PARP8: variants seen among roughly 807,000 people sequenced by gnomAD.
PARP8 encodes protein mono-ADP-ribosyltransferase PARP8.
Under a neutral mutation model 124.1 loss-of-function variants are expected in PARP8, and 51 were observed. That is an observed-to-expected ratio of 0.41 (90% CI 0.33 to 0.52). PARP8 has a LOEUF of 0.52. Ranked by LOEUF, PARP8 falls within the 20% of genes least tolerant of loss-of-function variation. The pLI, the probability that PARP8 is intolerant of heterozygous loss-of-function variation, is 0.21. For missense variants in PARP8, 860 were observed against 1,018.9 expected, an observed-to-expected ratio of 0.84 and a Z score of 2.12; for synonymous variants, 391 against 361.5, an observed-to-expected ratio of 1.08 and a Z score of -0.93.
Position 50,709,240 on chromosome 5 carries a change from C to G in PARP8, c.147-40911C>G, listed in dbSNP as rs1196697209. On this transcript the variant is annotated intron_variant, in intron 2 of 25. Transcript: ENST00000281631. ...TCTTCATCTCTTTATTCTGCTTTTT[C>G]AAGATTTCTTCATTTTTATGTTCCA... 2.6e-5 allele frequency among the ~76,000 whole-genome samples: 4 copies of G among 152,018 alleles called. No individual in the cohort carries two copies. The East Asian group carries it at 7.7e-4, about 29-fold the overall frequency.
chr5:50,791,392 C>T (rs928267959), intron 10 of PARP8, among the ~76,000 whole-genome samples: 1 of 152,038 alleles, frequency 6.6e-6, no homozygotes, highest in Non-Finnish European at 1.5e-5. Flanking sequence ...AGTCACACAG[C>T]GAGAAAGTGA....
At chr5:50,829,291 C>A (rs2149713882) in intron 21 of PARP8, among the ~76,000 whole-genome samples, 1 of 152,230 alleles carries the variant, frequency 6.6e-6, no homozygotes, top group East Asian at 1.9e-4. Flanking sequence ...ATGCTTAACC[C>A]AGTCACTTGA....
At chr5:50,677,497 C>T (rs942710932) in intron 2 of PARP8, among the ~76,000 whole-genome samples, 9 of 151,968 alleles carry the variant, frequency 5.9e-5, no homozygotes, top group African/African-American at 1.9e-4. Flanking sequence ...TGGAGCAGTC[C>T]ATCGTTATGG....
chr5:50,736,644 T>A (rs1481117302), intron 2 of PARP8, among the ~76,000 whole-genome samples: 1 of 152,150 alleles, frequency 6.6e-6, no homozygotes, highest in Non-Finnish European at 1.5e-5. Flanking sequence ...GCAGACAAAA[T>A]TTATTTGTAA....
At chr5:50,794,727 G>C in intron 11 of PARP8, 126 bp from the exon 12 acceptor site, 1 of 846,354 alleles carries the variant, frequency 1.2e-6, no homozygotes, top group Non-Finnish European at 1.8e-6. Flanking sequence ...TTTTGACTGG[G>C]TAGGCTATAT....
chr5:50,802,413 T>C (rs1743331006), intron 14 of PARP8, among the ~76,000 whole-genome samples: 1 of 152,166 alleles, frequency 6.6e-6, no homozygotes, highest in Non-Finnish European at 1.5e-5. Flanking sequence ...CTTCTGGGCT[T>C]AAGTGATCTT....
intron 3 of PARP8, among the ~76,000 whole-genome samples, chr5:50,751,929 A>G (rs1166823106): frequency 6.6e-6 from 1 of 152,114 alleles, no homozygotes; most frequent in Non-Finnish European, 1.5e-5. Flanking sequence ...CTTTTTAGGT[A>G]GACATCTTGT....
At chr5:50,758,142 T>C (rs968578324) in intron 3 of PARP8, among the ~76,000 whole-genome samples, 2 of 152,176 alleles carry the variant, frequency 1.3e-5, no homozygotes, top group Non-Finnish European at 2.9e-5. Flanking sequence ...CAGAAGAGAC[T>C]CTAGATAAGT....
chr5:50,709,973 C>T lies in PARP8; in HGVS notation c.147-40178C>T, dbSNP rs533760685. 2.8e-4 allele frequency among the ~76,000 whole-genome samples: 39 copies of T among 139,724 alleles called. No individual in the cohort carries two copies. In the South Asian group the frequency reaches 3.9e-3, roughly 14 times the overall value. The allele number at this position is 139,724 out of a possible 152,430, so 91.7% of individuals were successfully genotyped here. A position where few individuals can be genotyped will look rare whatever the true frequency, so the allele number is the denominator to read the frequency against. ...ATATATATACACATACATATATACA[C>T]ACACACACATATATATACATATATA... is the stretch of plus-strand genomic sequence containing the variant. On this transcript the variant is annotated intron_variant, in intron 2 of 25. Coordinates refer to ENST00000281631, the MANE Select transcript of PARP8 (RefSeq NM_024615.4).
intron 9 of PARP8, among the ~76,000 whole-genome samples, chr5:50,784,860 C>T (rs1243695125): frequency 2.0e-5 from 3 of 151,504 alleles, no homozygotes; most frequent in Admixed American, 6.6e-5. Context: ...TTTTGTAGTT[C>T]ATTTTATTTT....
chr5:50,762,052 T>G, intron 6 of PARP8, 154 bp downstream of exon 6: 1 of 430,202 alleles, frequency 2.3e-6, no homozygotes, highest in South Asian at 5.9e-5. Context: ...TTGCACATTT[T>G]CTACCTATTT....
chr5:50,759,638 T>TTTTTTA lies in PARP8; in HGVS notation c.185-5_185-4insTTTTTA. ...TTTCATTATCTTTTTTTTTTTTTTT[T>TTTTTTA]GCAGATAATACATATGTGTCAAGTT... On this transcript the variant is annotated splice_region_variant and splice_polypyrimidine_tract_variant and intron_variant, in intron 3 of 25. Transcript: ENST00000281631. 2 of 1,525,420 alleles carry TTTTTTA rather than the reference T, an allele frequency of 1.3e-6. No individual in the cohort carries two copies. Among genetic ancestry groups the TTTTTTA allele is most frequent in the Non-Finnish European group, 1.7e-6 (2 of 1,146,250 alleles). 94.5% of individuals were successfully genotyped at this position (1,525,420 alleles called of 1,614,324 possible). A position where few individuals can be genotyped will look rare whatever the true frequency, so the allele number is the denominator to read the frequency against.
intron 25 of PARP8, among the ~76,000 whole-genome samples, chr5:50,841,742 TA>T (rs5867719): frequency 0.51 from 75,305 of 146,712 alleles, 21,383 homozygotes; most frequent in Non-Finnish European, 0.63. Context: ...TATGCGGGGA[TA>T]AAAAAAAAAA....
At position 50,666,884 on chromosome 5, in the gene PARP8, G is replaced by A. The variant is rs1749335570; in HGVS notation, c.-212G>A. The A allele has an allele frequency of 7.1e-7, 1 of 1,400,914 alleles. No individual in the cohort carries two copies. The highest frequency in any genetic ancestry group is 9.2e-7 in the Non-Finnish European group (1 of 1,082,438). The allele number at this position is 1,400,914 out of a possible 1,614,324, so 86.8% of individuals were successfully genotyped here. A position where few individuals can be genotyped will look rare whatever the true frequency, so the allele number is the denominator to read the frequency against. Reference sequence around the variant, plus strand: ...GCAGCAGCTGGGCGGTCACATCTGGGAATGCAAAGCCGACCTCCCCCTCCT... The same window carrying A: ...GCAGCAGCTGGGCGGTCACATCTGGAAATGCAAAGCCGACCTCCCCCTCCT... On this transcript the variant is annotated 5_prime_UTR_variant, in exon 1 of 26. Transcript: ENST00000281631.
chr5:50,808,775 T>A (rs1744133056), intron 14 of PARP8, among the ~76,000 whole-genome samples: 1 of 152,044 alleles, frequency 6.6e-6, no homozygotes, highest in Admixed American at 6.6e-5. Flanking sequence ...CACAAAGACA[T>A]TCCCATGAAA....
intron 6 of PARP8, among the ~76,000 whole-genome samples, chr5:50,762,718 G>A (rs1760678005): frequency 6.6e-6 from 1 of 152,154 alleles, no homozygotes; most frequent in Admixed American, 6.5e-5. Context: ...CTCTCTCCAG[G>A]AATGTCTTTC....
At chr5:50,667,429 G>A in intron 1 of PARP8, 5 of 701,408 alleles carry the variant, frequency 7.1e-6, no homozygotes, top group Non-Finnish European at 1.0e-5. Context: ...CCGCGTGGCC[G>A]GAGCGGGGGT....
intron 9 of PARP8, among the ~76,000 whole-genome samples, chr5:50,781,071 G>T (rs1456451303): frequency 6.6e-6 from 1 of 151,966 alleles, no homozygotes; most frequent in Non-Finnish European, 1.5e-5. Flanking sequence ...ATGCTGGTTG[G>T]ATCTAACTCT....
At chr5:50,709,113 T>C (rs772246490) in intron 2 of PARP8, among the ~76,000 whole-genome samples, 17 of 152,058 alleles carry the variant, frequency 1.1e-4, no homozygotes, top group Admixed American at 2.0e-4. Flanking sequence ...TTTATATCTT[T>C]GATAATATTC....
Sources: gnomAD v4.1 joint callset for allele counts (sites outside exome capture counted in the v4.1 genomes callset) on GRCh38, gnomAD v4.1.1 for gene constraint, MANE v1.5 for transcripts, NCBI Gene and HGNC (gene_info 2026-07-23, HGNC 2026-07-21) for gene names.